The following PSD2 variants were observed in gnomAD, a reference collection of about 807,000 sequenced individuals.
PSD2 encodes pleckstrin and Sec7 domain containing 2.
Under a neutral mutation model 69.8 loss-of-function variants are expected in PSD2, and 38 were observed. The ratio of observed to expected loss-of-function variants is 0.54; its 90% CI spans 0.42 to 0.71. The LOEUF is 0.71. PSD2 is among the 30% of genes least tolerant of loss of function. The pLI, the probability that PSD2 is intolerant of heterozygous loss-of-function variation, is 0.00. For synonymous variants in PSD2, 412 were observed against 423.0 expected, an observed-to-expected ratio of 0.97 and a Z score of 0.32; for missense variants, 943 against 1,014.5, an observed-to-expected ratio of 0.93 and a Z score of 0.96.
the PSD2 span, among the ~76,000 whole-genome samples, chr5:139,766,913 C>CT: frequency 8.8e-5 from 3 of 34,068 alleles, 1 homozygote; most frequent in Non-Finnish European, 1.9e-4. Context: ...CCCTCCCTTC[C>CT]TTCCTTCCTT....
At chr5:139,822,036 T>TC (rs760090738) in intron 6 of PSD2, 31 bp downstream of exon 6, 40 of 1,432,334 alleles carry the variant, frequency 2.8e-5, no homozygotes, top group Non-Finnish European at 3.9e-5. Context: ...TGCCTGACCC[T>TC]CCCCACCCAC....
chr5:139,830,823 C>CTTTTTTT (rs60786662), intron 7 of PSD2, among the ~76,000 whole-genome samples: 90 of 82,910 alleles, frequency 1.1e-3, no homozygotes, highest in African/African-American at 1.4e-3. Context: ...CCTGGACTTG[C>CTTTTTTT]TTTTTTTTTT....
the PSD2 span, among the ~76,000 whole-genome samples, chr5:139,784,441 C>T: frequency 6.6e-6 from 1 of 152,188 alleles, no homozygotes; most frequent in Non-Finnish European, 1.5e-5. Context: ...GCTCTGATGT[C>T]TCCAATCTAT....
the PSD2 span, among the ~76,000 whole-genome samples, chr5:139,744,671 C>A: frequency 6.6e-6 from 1 of 152,182 alleles, no homozygotes; most frequent in Admixed American, 6.5e-5. Flanking sequence ...CAAATGCACA[C>A]ATGCAGCTCC....
chr5:139,830,521 T>TCTTTCCTTC (rs1760548082), intron 7 of PSD2, among the ~76,000 whole-genome samples: 1 of 96,980 alleles, frequency 1.0e-5, no homozygotes, highest in Non-Finnish European at 2.0e-5. Flanking sequence ...CAGCTAATTT[T>TCTTTCCTTC]CTTCCTTCCT....
intron 9 of PSD2, among the ~76,000 whole-genome samples, chr5:139,836,226 C>T (rs1298298779): frequency 6.6e-6 from 1 of 152,188 alleles, no homozygotes; most frequent in African/African-American, 2.4e-5. Flanking sequence ...CTGTAGGTCT[C>T]ATCAGGAAAG....
At chr5:139,823,431 A>G (rs1760325320) in intron 7 of PSD2, among the ~76,000 whole-genome samples, 1 of 152,036 alleles carries the variant, frequency 6.6e-6, no homozygotes. Context: ...ATCATTGCTC[A>G]CCCATGGTGG....
At chr5:139,782,619 A>C in the PSD2 span, among the ~76,000 whole-genome samples, 1 of 151,722 alleles carries the variant, frequency 6.6e-6, no homozygotes, top group Non-Finnish European at 1.5e-5. Context: ...CAGCCTCCCA[A>C]GTAGCTGGGA....
the PSD2 span, among the ~76,000 whole-genome samples, chr5:139,767,136 G>C: frequency 2.6e-5 from 4 of 151,370 alleles, no homozygotes; most frequent in African/African-American, 9.7e-5. Flanking sequence ...GGGACTACAG[G>C]CACCCGCCAC....
upstream of PSD2, among the ~76,000 whole-genome samples, chr5:139,792,868 T>A (rs1283535206): frequency 9.8e-6 from 1 of 102,518 alleles, no homozygotes; most frequent in Non-Finnish European, 2.0e-5. Flanking sequence ...CTTTCCTTCC[T>A]TCCTTCCTTC....
the PSD2 span, among the ~76,000 whole-genome samples, chr5:139,743,045 G>A: frequency 9.8e-5 from 15 of 152,296 alleles, no homozygotes; most frequent in East Asian, 5.8e-4. Flanking sequence ...AGATTATTTC[G>A]GTATGTGTCA....
the PSD2 span, among the ~76,000 whole-genome samples, chr5:139,770,159 A>G: frequency 6.6e-6 from 1 of 152,174 alleles, no homozygotes; most frequent in African/African-American, 2.4e-5. Flanking sequence ...TAAGCTTGTT[A>G]TGTCTACAAC....
intron 8 of PSD2, among the ~76,000 whole-genome samples, chr5:139,835,349 C>G (rs72794901): frequency 0.06 from 9,088 of 152,068 alleles, 262 homozygotes; most frequent in East Asian, 0.094. Flanking sequence ...ACTTCCCCAT[C>G]CATCCATTCA....
the PSD2 span, among the ~76,000 whole-genome samples, chr5:139,770,559 C>T: frequency 6.6e-6 from 1 of 152,072 alleles, no homozygotes; most frequent in Admixed American, 6.6e-5. Context: ...GAGCGAGACT[C>T]CGTGTCAAAA....
At chr5:139,771,729 T>A in the PSD2 span, among the ~76,000 whole-genome samples, 1 of 152,148 alleles carries the variant, frequency 6.6e-6, no homozygotes, top group African/African-American at 2.4e-5. Flanking sequence ...GGTCTGGCTG[T>A]CCCTGGAGTC....
chr5:139,772,906 A>G, the PSD2 span: 1 of 152,292 alleles, frequency 6.6e-6, no homozygotes, highest in South Asian at 2.1e-4. Flanking sequence ...CCAAGTCTTC[A>G]GTGACTAGCA....
intron 7 of PSD2, among the ~76,000 whole-genome samples, chr5:139,828,033 T>C (rs945763501): frequency 6.6e-6 from 1 of 151,912 alleles, no homozygotes; most frequent in Admixed American, 6.6e-5. Flanking sequence ...GTTTTGGAGA[T>C]GATGCCAATG....
chr5:139,787,927 C>G, the PSD2 span, among the ~76,000 whole-genome samples: 2 of 152,206 alleles, frequency 1.3e-5, no homozygotes, highest in Non-Finnish European at 2.9e-5. Flanking sequence ...GGATAGGAGA[C>G]TTTGAGAACG....
rs1379862632 is a variant in PSD2 at position 139,837,385 on chromosome 5, T to C, written c.1665+147T>C. On this transcript the variant is annotated intron_variant, in intron 11 of 14. Transcript: ENST00000274710. This position sits in a 1 kb window ranked among gnomAD's most constrained non-coding sequence, Gnocchi z 5.0. ...CCCAGACTTGGGCCCTCTCAGGGCTTTGGAGGTTTTTGGGAGAACTTGGTG... is the reference window on the plus strand; with the variant it reads ...CCCAGACTTGGGCCCTCTCAGGGCTCTGGAGGTTTTTGGGAGAACTTGGTG... The C allele has an allele frequency of 1.2e-6, 1 of 867,528 alleles. No individual in the cohort carries two copies. The highest frequency in any genetic ancestry group is 2.6e-5 in the East Asian group (1 of 37,890). The allele number at this position is 867,528 out of a possible 1,614,324, so 53.7% of individuals were successfully genotyped here.
Sources: gnomAD v4.1 joint callset for allele counts (sites outside exome capture counted in the v4.1 genomes callset) on GRCh38, gnomAD v4.1.1 for gene constraint, Gnocchi (gnomAD v3.1) non-coding constraint, MANE v1.5 for transcripts, NCBI Gene and HGNC (gene_info 2026-07-23, HGNC 2026-07-21) for gene names.